The following PRKD1 variants were observed in gnomAD, a reference collection of about 807,000 sequenced individuals.
PRKD1 encodes the protein serine/threonine-protein kinase D1.
Under a neutral mutation model 95.9 loss-of-function variants are expected in PRKD1, and 63 were observed. The observed-to-expected ratio is 0.66, with a 90% confidence interval of 0.54 to 0.81. The LOEUF is 0.81. Ranked by LOEUF, PRKD1 falls within the 30% of genes least tolerant of loss-of-function variation. The pLI, the probability that PRKD1 is intolerant of heterozygous loss-of-function variation, is 0.00. For missense variants in PRKD1, 1,048 were observed against 1,165.3 expected (o/e 0.90, Z 1.47); for synonymous variants, 425 against 423.1 (o/e 1.00, Z -0.05).
At position 29,648,490 on chromosome 14, in the gene PRKD1, T is replaced by C. The variant is rs191197326; in HGVS notation, c.697-9586A>G. Among the ~76,000 whole-genome samples, 311 of 152,320 alleles carry C rather than the reference T, an allele frequency of 2.0e-3. 1 individual carries two copies. The highest frequency in any genetic ancestry group is 6.8e-3 in the Middle Eastern group (2 of 294). On this transcript the variant is annotated intron_variant, in intron 4 of 17. Transcript: ENST00000331968. The stretch of plus-strand genomic sequence containing the variant: ...CTATAAAGCTTTTTATTAGAGTCTT[T>C]AAATTATTGAAAGATGACAACCATT...
At chr14:29,639,672 G>T (rs45453198) in intron 4 of PRKD1, among the ~76,000 whole-genome samples, 4,239 of 149,966 alleles carry the variant, frequency 0.028, 176 homozygotes, top group African/African-American at 0.092. Flanking sequence ...AAGAAAGAAA[G>T]AAAAAAATGC....
At chr14:29,846,421 ATAT>A (rs1438196280) in intron 1 of PRKD1, among the ~76,000 whole-genome samples, 1 of 152,164 alleles carries the variant, frequency 6.6e-6, no homozygotes, top group Non-Finnish European at 1.5e-5. Flanking sequence ...TACCCTATGA[ATAT>A]CCAGGAGAAG....
intron 1 of PRKD1, among the ~76,000 whole-genome samples, chr14:29,739,198 GTCCAAA>G (rs1886877606): frequency 6.6e-6 from 1 of 152,088 alleles, no homozygotes; most frequent in Non-Finnish European, 1.5e-5. Context: ...AATCTTCAAG[GTCCAAA>G]TTTAGAAACA....
At chr14:29,700,090 CTTTT>C (rs35039906) in intron 2 of PRKD1, among the ~76,000 whole-genome samples, 1 of 148,242 alleles carries the variant, frequency 6.7e-6, no homozygotes. Context: ...CTTATCCCTT[CTTTT>C]TTTTTTTCCC....
chr14:29,666,300 T>C (rs1000943949), intron 2 of PRKD1, 92 bp from the exon 3 acceptor site: 5 of 1,324,962 alleles, frequency 3.8e-6, no homozygotes, highest in Non-Finnish European at 5.1e-6. Flanking sequence ...CCAGTACGGA[T>C]ATAACTCCCT....
intron 1 of PRKD1, among the ~76,000 whole-genome samples, chr14:29,734,596 TG>T (rs1886629445): frequency 6.6e-6 from 1 of 152,174 alleles, no homozygotes; most frequent in African/African-American, 2.4e-5. Flanking sequence ...CCCAAGTGTT[TG>T]GTGAACTTTC....
chr14:29,855,325 T>C (rs932632617), intron 1 of PRKD1, among the ~76,000 whole-genome samples: 1 of 152,212 alleles, frequency 6.6e-6, no homozygotes, highest in Non-Finnish European at 1.5e-5. Context: ...TATATCAGCA[T>C]GACCTGGATA....
chr14:29,895,471 G>A (rs565708499), intron 1 of PRKD1, among the ~76,000 whole-genome samples: 8 of 151,906 alleles, frequency 5.3e-5, no homozygotes, highest in Admixed American at 1.3e-4. Context: ...CACTCTCACC[G>A]CCACTCTAGT....
At chr14:29,758,456 C>T (rs954777664) in intron 1 of PRKD1, among the ~76,000 whole-genome samples, 2 of 152,156 alleles carry the variant, frequency 1.3e-5, no homozygotes, top group African/African-American at 4.8e-5. Flanking sequence ...GTTGATATAA[C>T]GTAAAGGCCT....
chr14:29,894,527 A>C (rs1894052028), intron 1 of PRKD1, among the ~76,000 whole-genome samples: 1 of 152,248 alleles, frequency 6.6e-6, no homozygotes, highest in Admixed American at 6.5e-5. Context: ...TTTACACTGC[A>C]GCATGATTTA....
At chr14:29,639,341 G>C (rs541344466) in intron 4 of PRKD1, among the ~76,000 whole-genome samples, 2 of 152,080 alleles carry the variant, frequency 1.3e-5, no homozygotes, top group South Asian at 4.2e-4. Context: ...GCCCTACATG[G>C]TACTTCATCG....
intron 6 of PRKD1, 72 bp downstream of exon 6, chr14:29,638,417 C>T: frequency 6.4e-7 from 1 of 1,552,496 alleles, no homozygotes; most frequent in Non-Finnish European, 8.8e-7. Flanking sequence ...ACCAAAAACC[C>T]TGACTAAAAT....
chr14:29,631,515 T>TC (rs61153911), intron 9 of PRKD1, among the ~76,000 whole-genome samples: 2 of 151,712 alleles, frequency 1.3e-5, no homozygotes, highest in Non-Finnish European at 2.9e-5. Flanking sequence ...TTTTTTTTTT[T>TC]CCAAGAAAGA....
chr14:29,640,317 C>T (rs1880675730), intron 4 of PRKD1, among the ~76,000 whole-genome samples: 1 of 152,138 alleles, frequency 6.6e-6, no homozygotes, highest in African/African-American at 2.4e-5. Flanking sequence ...CAATAAATCA[C>T]ATTTACAAAA....
intron 2 of PRKD1, among the ~76,000 whole-genome samples, chr14:29,724,940 C>T (rs10498310): frequency 0.15 from 22,476 of 152,048 alleles, 1,984 homozygotes; most frequent in South Asian, 0.22. Flanking sequence ...TAGGCACAGT[C>T]CTATTACTAA....
At chr14:29,817,077 C>A (rs541172486) in intron 1 of PRKD1, among the ~76,000 whole-genome samples, 9 of 152,040 alleles carry the variant, frequency 5.9e-5, no homozygotes, top group Non-Finnish European at 1.0e-4. Flanking sequence ...AGCATTTTTG[C>A]AAGGTTGAGG....
intron 1 of PRKD1, among the ~76,000 whole-genome samples, chr14:29,800,062 G>A (rs955334741): frequency 4.6e-5 from 7 of 152,040 alleles, no homozygotes; most frequent in African/African-American, 1.7e-4. Flanking sequence ...ACTCAGTTCA[G>A]GCATGGGTTT....
intron 1 of PRKD1, among the ~76,000 whole-genome samples, chr14:29,819,539 A>C (rs1311369130): frequency 6.6e-6 from 1 of 151,852 alleles, no homozygotes; most frequent in African/African-American, 2.4e-5. Context: ...AAATACAAAA[A>C]ATTACCCGGG....
intron 1 of PRKD1, among the ~76,000 whole-genome samples, chr14:29,860,447 G>T (rs543320724): frequency 6.6e-6 from 1 of 152,238 alleles, no homozygotes; most frequent in South Asian, 2.1e-4. Flanking sequence ...TAAGAAAGAG[G>T]TCTTGCCTGA....
Sources: allele counts gnomAD v4.1 joint callset (sites outside exome capture counted in the v4.1 genomes callset), GRCh38; gene constraint gnomAD v4.1.1; transcripts MANE v1.5; gene names NCBI Gene and HGNC (gene_info 2026-07-23, HGNC 2026-07-21).